Variants in IRF5 observed in about 807,000 individuals in gnomAD.
The protein encoded by IRF5 is interferon regulatory factor 5.
In IRF5, 24 loss-of-function variants were observed where a neutral mutation model predicts 55.1. That is an observed-to-expected ratio of 0.44 (90% CI 0.32 to 0.61). The LOEUF is 0.61. Among genes scored for constraint, IRF5 ranks in the 20% least tolerant of loss-of-function variants. The pLI is 0.07. For synonymous variants in IRF5, 258 were observed against 260.2 expected, an observed-to-expected ratio of 0.99 and a Z score of 0.08; for missense variants, 499 against 658.5, an observed-to-expected ratio of 0.76 and a Z score of 2.65.
In IRF5 at chr7:128,949,289, A is replaced by G. The variant is rs1796501138; in HGVS notation, c.*471A>G. 1.3e-5 allele frequency: 2 copies of G among 155,776 alleles called. No individual in the cohort carries two copies. The highest frequency in any genetic ancestry group is 2.8e-5 in the Non-Finnish European group (2 of 70,444). The allele number at this position is 155,776 out of a possible 1,614,324, so 9.6% of individuals were successfully genotyped here. A position where few individuals can be genotyped will look rare whatever the true frequency, so the allele number is the denominator to read the frequency against. On this transcript the variant is annotated 3_prime_UTR_variant, in exon 9 of 9. Coordinates refer to ENST00000357234, the MANE Select transcript of IRF5 (RefSeq NM_001098629.3). The stretch of plus-strand genomic sequence containing the variant: ...TGAGTGAGCACTTAGGTATCATATC[A>G]GATGCTCAAGGCTGGCAGCTACCCC...
In IRF5 at chr7:128,946,962, G is replaced by C; in HGVS notation, c.448-61G>C. On this transcript the variant is annotated intron_variant, in intron 4 of 8. Coordinates refer to ENST00000357234, the MANE Select transcript of IRF5 (RefSeq NM_001098629.3). This position sits in a 1 kb window ranked among gnomAD's most constrained non-coding sequence, Gnocchi z 4.2. ...TTATTTCCCCAGCCCCAGGTCAGTG[G>C]AATAACCTGTCCTCCTTTCTCTCCC... 6.3e-7 allele frequency: 1 copy of C among 1,591,564 alleles called. No individual in the cohort carries two copies. Among genetic ancestry groups the C allele is most frequent in the Non-Finnish European group, 8.6e-7 (1 of 1,160,296 alleles).
rs368724832 is a variant in IRF5, at chr7:128,947,376, G to T, written c.628G>T (p.Ala210Ser). 2 of 1,610,242 alleles carry T rather than the reference G, an allele frequency of 1.2e-6. No individual in the cohort carries two copies. The highest frequency in any genetic ancestry group is 1.7e-6 in the Non-Finnish European group (2 of 1,178,814). ...LQPPVVLGPP[A>S]PDPSPLAPPP... ...GCCGCCCGTGGTGCTGGGTCCCCCT[G>T]CTCCAGACCCCAGCCCCCTGGCTCC... Residue 210 changes from alanine (A) to serine (S), a missense_variant, in exon 6 of 9, where the codon GCT becomes TCT. By Grantham distance (99) the Ala-to-Ser change is moderately conservative. Around this residue, in one of 2 missense-constraint regions of IRF5, gnomAD observed 305 missense variants for 340.2 expected, o/e 0.90. Coordinates refer to ENST00000357234, the MANE Select transcript of IRF5 (RefSeq NM_001098629.3). The surrounding 1 kb of genome is among the most constrained non-coding windows in gnomAD (Gnocchi z 6.5).
rs1796519962 is a variant in IRF5 at position 128,949,689 on chromosome 7, T to G, written c.*871T>G. 6.6e-6 allele frequency: 1 copy of G among 152,254 alleles called. No homozygotes were observed. Among genetic ancestry groups the G allele is most frequent in the Admixed American group, 6.5e-5 (1 of 15,290 alleles). The allele number at this position is 152,254 out of a possible 1,614,324, so 9.4% of individuals were successfully genotyped here. ...TAAAAGGGTGGGCTAGCATTGCAGC[T>G]GCATTTGGGACCATTCAAATCTGTC... On this transcript the variant is annotated 3_prime_UTR_variant, in exon 9 of 9. Coordinates refer to ENST00000357234, the MANE Select transcript of IRF5 (RefSeq NM_001098629.3).
At chr7:128,945,025 C>A (rs73461587) in intron 2 of IRF5, among the ~76,000 whole-genome samples, 29 of 152,324 alleles carry the variant, frequency 1.9e-4, no homozygotes, top group African/African-American at 7.0e-4. Context: ...CTCACCTCAC[C>A]TAATTGCCAT....
At chr7:128,937,079 C>T (rs1477674418), upstream of IRF5, among the ~76,000 whole-genome samples, 1 of 152,192 alleles carries the variant, frequency 6.6e-6, no homozygotes, top group Admixed American at 6.5e-5. Context: ...CTGGACCAAA[C>T]CCCTGGCAAT....
In IRF5 at chr7:128,946,103, C is replaced by G; in HGVS notation, c.385+69C>G. 6.9e-7 allele frequency: 1 copy of G among 1,439,464 alleles called. No homozygotes were observed. Among genetic ancestry groups the G allele is most frequent in the Non-Finnish European group, 9.3e-7 (1 of 1,076,174 alleles). The allele number at this position is 1,439,464 out of a possible 1,614,324, so 89.2% of individuals were successfully genotyped here. A position where few individuals can be genotyped will look rare whatever the true frequency, so the allele number is the denominator to read the frequency against. ...ATGTCCTGGCCCCCAGCCATGAGCT[C>G]TTGGGTGCAGGCAGGCCAAGGGCCC... On this transcript the variant is annotated intron_variant, in intron 3 of 8. Transcript: ENST00000357234. The surrounding 1 kb of genome is among the most constrained non-coding windows in gnomAD (Gnocchi z 4.2).
intron 2 of IRF5, 48 bp downstream of exon 2, chr7:128,942,324 C>A: frequency 6.5e-7 from 1 of 1,547,184 alleles, no homozygotes; most frequent in Non-Finnish European, 8.8e-7. Flanking sequence ...CACCCTGTCC[C>A]CAGAAGAGGA....
chr7:128,943,429 T>G (rs1050582640), intron 2 of IRF5, among the ~76,000 whole-genome samples: 6 of 151,218 alleles, frequency 4.0e-5, no homozygotes, highest in African/African-American at 1.5e-4. Flanking sequence ...TGTTGCACCA[T>G]TGGTGAGCAG....
At chr7:128,941,645 G>A (rs542032276) in intron 1 of IRF5, among the ~76,000 whole-genome samples, 24 of 152,248 alleles carry the variant, frequency 1.6e-4, no homozygotes, top group Middle Eastern at 3.4e-3. Flanking sequence ...CAGAGCGCTC[G>A]CTGTCCCAGG....
chr7:128,945,962 G>C lies in IRF5; in HGVS notation c.313G>C (p.Asp105His), dbSNP rs751140082. Reference protein sequence around the residue: ...NKSRDFRLIYDGPRDMPPQPY... With the variant: ...NKSRDFRLIYHGPRDMPPQPY... Reference sequence around the variant, plus strand: ...GAGCCGGGACTTCCGCCTCATCTACGACGGGCCCCGGGACATGCCACCTCA... The same window carrying C: ...GAGCCGGGACTTCCGCCTCATCTACCACGGGCCCCGGGACATGCCACCTCA... Residue 105 changes from aspartate (D) to histidine (H), a missense_variant, in exon 3 of 9, where the codon GAC becomes CAC. This residue lies in a region of IRF5 where 305 missense variants were observed against 340.2 expected (regional missense o/e 0.90). Coordinates refer to ENST00000357234, the MANE Select transcript of IRF5 (RefSeq NM_001098629.3). 2 of 1,613,536 alleles carry C rather than the reference G, an allele frequency of 1.2e-6. No homozygotes were observed. Among genetic ancestry groups the C allele is most frequent in the South Asian group, 1.1e-5 (1 of 91,064 alleles).
rs746504982 is a variant in IRF5, at chr7:128,948,768, C to T, written c.1495C>T (p.Leu499Phe). 4 of 1,610,926 alleles carry T rather than the reference C, an allele frequency of 2.5e-6. No individual in the cohort carries two copies. The South Asian group carries it at 3.3e-5, about 13-fold the overall frequency. Residue 499 changes from leucine (L) to phenylalanine (F), a missense_variant, in exon 9 of 9, where the codon CTT (leucine) becomes TTT (phenylalanine). By Grantham distance (22) the Leu-to-Phe change is conservative (BLOSUM62 0). This residue lies in a region of IRF5 where 194 missense variants were observed against 318.3 expected (regional missense o/e 0.61). Coordinates refer to ENST00000357234, the MANE Select transcript of IRF5 (RefSeq NM_001098629.3). The surrounding 1 kb of genome is among the most constrained non-coding windows in gnomAD (Gnocchi z 4.6). ...PVAQAPPGAGLGVGQGPWPMH... is the reference protein window; with the variant it reads ...PVAQAPPGAGFGVGQGPWPMH... ...GGCCCAGGCCCCTCCTGGAGCAGGCCTTGGTGTTGGCCAGGGGCCCTGGCC... is the reference window on the plus strand; with the variant it reads ...GGCCCAGGCCCCTCCTGGAGCAGGCTTTGGTGTTGGCCAGGGGCCCTGGCC...
At position 128,946,052 on chromosome 7, in the gene IRF5, C is replaced by T. The variant is rs1170930140; in HGVS notation, c.385+18C>T. ...TCCCACAGGTATCAGGCCTAGCCCT[C>T]TGTGGGCCACCTGGGAGGCTGTGCA... On this transcript the variant is annotated intron_variant, in intron 3 of 8. Coordinates refer to ENST00000357234, the MANE Select transcript of IRF5 (RefSeq NM_001098629.3). The surrounding 1 kb of genome is among the most constrained non-coding windows in gnomAD (Gnocchi z 4.2). The T allele has an allele frequency of 3.2e-6, 5 of 1,563,308 alleles. No individual in the cohort carries two copies. The East Asian group carries it at 1.1e-4, about 36-fold the overall frequency.
chr7:128,945,483 G>T (rs1186460061), intron 2 of IRF5, among the ~76,000 whole-genome samples: 2 of 152,228 alleles, frequency 1.3e-5, no homozygotes, highest in African/African-American at 2.4e-5. Flanking sequence ...GGGAGGCAGT[G>T]ACATGGCCTG....
rs369234418 is a variant in IRF5, at chr7:128,942,289, G to T, written c.195+13G>T. 14 of 1,601,816 alleles carry T rather than the reference G, an allele frequency of 8.7e-6. No individual in the cohort carries two copies. Among genetic ancestry groups the T allele is most frequent in the Non-Finnish European group, 1.2e-5 (14 of 1,172,194 alleles). On this transcript the variant is annotated intron_variant, in intron 2 of 8. Coordinates refer to ENST00000357234, the MANE Select transcript of IRF5 (RefSeq NM_001098629.3). ...CACCATCTTCAAGGTAAGCCCCGGG[G>T]AGGAGGTTGGCTGGACCTCCAGGGC...
In IRF5 at chr7:128,947,931, G is replaced by A. The variant is rs371741360; in HGVS notation, c.990G>A (p.Thr330=). 35 of 1,614,106 alleles carry A rather than the reference G, an allele frequency of 2.2e-5. No homozygotes were observed. In the African/African-American group the frequency reaches 2.5e-4, roughly 12 times the overall value. ...CCAGTGACAAGCAGCGCTTCTACACGAACCAGCTGCTGGATGTCCTGGACC... is the reference window on the plus strand; with the variant it reads ...CCAGTGACAAGCAGCGCTTCTACACAAACCAGCTGCTGGATGTCCTGGACC... The part of the protein sequence containing the change: ...DIPSDKQRFY[T]NQLLDVLDRG... Residue 330 remains threonine (T), a synonymous_variant, in exon 7 of 9, where the codon ACG becomes ACA. Coordinates refer to ENST00000357234, the MANE Select transcript of IRF5 (RefSeq NM_001098629.3). This position sits in a 1 kb window ranked among gnomAD's most constrained non-coding sequence, Gnocchi z 6.5.
At position 128,948,992 on chromosome 7, in the gene IRF5, G is replaced by A. The variant is rs746194881; in HGVS notation, c.*174G>A. On this transcript the variant is annotated 3_prime_UTR_variant, in exon 9 of 9. Coordinates refer to ENST00000357234, the MANE Select transcript of IRF5 (RefSeq NM_001098629.3). The surrounding 1 kb of genome is among the most constrained non-coding windows in gnomAD (Gnocchi z 4.6). ...GAAAGGCCCGAGCCCCTGCCTTCCC[G>A]GGCCTTTCTCTCCTGGGCTGTCTCT... 9 of 732,640 alleles carry A rather than the reference G, an allele frequency of 1.2e-5. No individual in the cohort carries two copies. The highest frequency in any genetic ancestry group is 2.9e-5 in the Admixed American group (1 of 34,038). The allele number at this position is 732,640 out of a possible 1,614,324, so 45.4% of individuals were successfully genotyped here. A position where few individuals can be genotyped will look rare whatever the true frequency, so the allele number is the denominator to read the frequency against.
Position 128,947,997 on chromosome 7 carries a change from C to T in IRF5, c.1056C>T (p.Ala352=), listed in dbSNP as rs1216261956. The T allele has an allele frequency of 6.2e-7, 1 of 1,614,088 alleles. No homozygotes were observed. ...ILQLQGQDLY[A]IRLCQCKVFW... is the part of the protein sequence containing the mutation. ...AGCTACAGGGCCAGGACCTTTATGC[C>T]ATCCGCCTGTGTCAGTGCAAGGTGT... is the stretch of plus-strand genomic sequence containing the variant. The change falls in exon 7 of 9, where the codon GCC becomes GCT. Residue 352 remains alanine, a synonymous_variant. Transcript: ENST00000357234. This position sits in a 1 kb window ranked among gnomAD's most constrained non-coding sequence, Gnocchi z 6.5.
Position 128,946,644 on chromosome 7 carries a change from C to T in IRF5, c.447+82C>T, listed in dbSNP as rs1796321088. ...TCGGCCTTAGGTTTCCGCAGCCCCA[C>T]TCCCATGGAGCCCCGTGGCCCTCTC... On this transcript the variant is annotated intron_variant, in intron 4 of 8. Transcript: ENST00000357234. This position sits in a 1 kb window ranked among gnomAD's most constrained non-coding sequence, Gnocchi z 4.2. 10 of 915,306 alleles carry T rather than the reference C, an allele frequency of 1.1e-5. No homozygotes were observed. The highest frequency in any genetic ancestry group is 7.0e-5 in the South Asian group (5 of 71,252). The allele number at this position is 915,306 out of a possible 1,614,324, so 56.7% of individuals were successfully genotyped here. A position where few individuals can be genotyped will look rare whatever the true frequency, so the allele number is the denominator to read the frequency against.
At chr7:128,939,142 C>T (rs1307291230) in intron 1 of IRF5, among the ~76,000 whole-genome samples, 2 of 151,936 alleles carry the variant, frequency 1.3e-5, no homozygotes, top group East Asian at 1.9e-4. Flanking sequence ...AGAGAGGGCT[C>T]GGCTGTATCG....
Sources: gnomAD v4.1 joint callset for allele counts (sites outside exome capture counted in the v4.1 genomes callset) on GRCh38, gnomAD v4.1.1 for gene constraint, gnomAD v4.1.1 regional missense constraint, Gnocchi (gnomAD v3.1) non-coding constraint, MANE v1.5 for transcripts, NCBI Gene and HGNC (gene_info 2026-07-23, HGNC 2026-07-21) for gene names.